The following APBB1IP variants were observed in gnomAD, a reference collection of about 807,000 sequenced individuals.
APBB1IP encodes amyloid beta A4 precursor protein-binding family B member 1-interacting protein.
Under a neutral mutation model 64.9 loss-of-function variants are expected in APBB1IP, and 27 were observed. That is an observed-to-expected ratio of 0.42 (90% CI 0.31 to 0.57). The LOEUF (loss-of-function observed/expected upper bound fraction) is 0.57. APBB1IP is among the 20% of genes least tolerant of loss of function. The pLI, the probability that APBB1IP is intolerant of heterozygous loss-of-function variation, is 0.20. For synonymous variants in APBB1IP, 392 were observed against 331.0 expected (o/e 1.18, Z -2.00); for missense variants, 812 against 845.5 (o/e 0.96, Z 0.49).
intron 11 of APBB1IP, among the ~76,000 whole-genome samples, chr10:26,554,424 G>T (rs1023458074): frequency 6.6e-6 from 1 of 152,216 alleles, no homozygotes; most frequent in African/African-American, 2.4e-5. Context: ...TCCCAGCAGT[G>T]CTGGCATTCC....
At position 26,533,253 on chromosome 10, in the gene APBB1IP, A is replaced by G. The variant is rs190226858; in HGVS notation, c.814-186A>G. Reference sequence around the variant, plus strand: ...CACTATGGGAGGATGAAGAGGTTTCACTCCTGCCTTGGCAATGTGGTATCA... The same window carrying G: ...CACTATGGGAGGATGAAGAGGTTTCGCTCCTGCCTTGGCAATGTGGTATCA... On this transcript the variant is annotated intron_variant, in intron 8 of 14. Coordinates refer to ENST00000376236, the MANE Select transcript of APBB1IP (RefSeq NM_019043.4). Among the ~76,000 whole-genome samples, 20 of 152,082 alleles carry G rather than the reference A, an allele frequency of 1.3e-4. No individual in the cohort carries two copies. The East Asian group carries it at 3.7e-3, about 28-fold the overall frequency.
At chr10:26,478,684 G>A (rs1402222282) in intron 2 of APBB1IP, among the ~76,000 whole-genome samples, 1 of 152,044 alleles carries the variant, frequency 6.6e-6, no homozygotes, top group East Asian at 1.9e-4. Flanking sequence ...GGCAGCATAT[G>A]TATGGTATTT....
chr10:26,445,143 AG>A (rs1835380875), intron 2 of APBB1IP, among the ~76,000 whole-genome samples: 1 of 87,284 alleles, frequency 1.1e-5, no homozygotes, highest in South Asian at 3.2e-4. Context: ...AAAGAAAGAA[AG>A]AAAGAAAGAA....
chr10:26,446,890 A>AC lies in APBB1IP; in HGVS notation c.-1+8037_-1+8038insC, dbSNP rs1491204826. ...GATAGATAGAGAGAGAGATAGATAG[A>AC]AATAGATAGATATGGTCCCTACCCT... is the stretch of plus-strand genomic sequence containing the variant. On this transcript the variant is annotated intron_variant, in intron 2 of 14. Transcript: ENST00000376236. Among the ~76,000 whole-genome samples, 6 of 137,438 alleles carry AC rather than the reference A, an allele frequency of 4.4e-5. No individual in the cohort carries two copies. The East Asian group carries it at 1.3e-3, about 29-fold the overall frequency. 90.2% of individuals were successfully genotyped at this position (137,438 alleles called of 152,430 possible). A position where few individuals can be genotyped will look rare whatever the true frequency, so the allele number is the denominator to read the frequency against.
At chr10:26,459,900 A>G (rs1340542577) in intron 2 of APBB1IP, among the ~76,000 whole-genome samples, 1 of 152,110 alleles carries the variant, frequency 6.6e-6, no homozygotes, top group Non-Finnish European at 1.5e-5. Flanking sequence ...TTCCCCTATT[A>G]ATCAGTCAAA....
At chr10:26,485,365 C>G (rs1220564759) in intron 2 of APBB1IP, among the ~76,000 whole-genome samples, 2 of 152,176 alleles carry the variant, frequency 1.3e-5, no homozygotes, top group Non-Finnish European at 2.9e-5. Context: ...TGTAGCCAGT[C>G]AAGTGAGAGA....
At position 26,500,967 on chromosome 10, in the gene APBB1IP, T is replaced by G; in HGVS notation, c.309T>G (p.Ile103Met). The change falls in exon 5 of 15, where the codon ATT becomes ATG. Residue 103 changes from isoleucine to methionine, a missense_variant. Coordinates refer to ENST00000376236, the MANE Select transcript of APBB1IP (RefSeq NM_019043.4). ...QHHSASLQAS[I>M]FSGAASLGYG... ...ATTCAGCATCTCTACAAGCATCAATTTTCAGTGGTGCAGCCTCTCTTGGTT... is the reference window on the plus strand; with the variant it reads ...ATTCAGCATCTCTACAAGCATCAATGTTCAGTGGTGCAGCCTCTCTTGGTT... 6.2e-7 allele frequency: 1 copy of G among 1,614,168 alleles called. No individual in the cohort carries two copies. Among genetic ancestry groups the G allele is most frequent in the Non-Finnish European group, 8.5e-7 (1 of 1,180,024 alleles).
chr10:26,467,855 A>G (rs905719216), intron 2 of APBB1IP, among the ~76,000 whole-genome samples: 3 of 152,228 alleles, frequency 2.0e-5, no homozygotes, highest in Non-Finnish European at 2.9e-5. Context: ...TTACTCAACT[A>G]TGCAAACCTG....
In APBB1IP at chr10:26,512,049, C is replaced by A. The variant is rs1392783262; in HGVS notation, c.691+143C>A. 3 of 1,048,164 alleles carry A rather than the reference C, an allele frequency of 2.9e-6. 1 individual carries two copies. Among genetic ancestry groups the A allele is most frequent in the Non-Finnish European group, 4.0e-6 (3 of 749,872 alleles). 64.9% of individuals were successfully genotyped at this position (1,048,164 alleles called of 1,614,324 possible). On this transcript the variant is annotated intron_variant, in intron 7 of 14. Transcript: ENST00000376236. Reference sequence around the variant, plus strand: ...CTCACTATGCTGCCCAGGCTGATCTCAAAATCCTGTGCTCAAGCGATCCTC... The same window carrying A: ...CTCACTATGCTGCCCAGGCTGATCTAAAAATCCTGTGCTCAAGCGATCCTC...
intron 2 of APBB1IP, among the ~76,000 whole-genome samples, chr10:26,454,036 G>C (rs1049638421): frequency 6.6e-6 from 1 of 152,176 alleles, no homozygotes; most frequent in East Asian, 1.9e-4. Flanking sequence ...CCATGAAAAA[G>C]AATGTTATCT....
chr10:26,499,999 C>G (rs1272283950), intron 4 of APBB1IP, among the ~76,000 whole-genome samples: 1 of 151,882 alleles, frequency 6.6e-6, no homozygotes, highest in Non-Finnish European at 1.5e-5. Context: ...TTACTTGAGT[C>G]CAGGAGTTTG....
At chr10:26,515,089 G>A (rs962541024) in intron 8 of APBB1IP, among the ~76,000 whole-genome samples, 1 of 148,872 alleles carries the variant, frequency 6.7e-6, no homozygotes, top group Non-Finnish European at 1.5e-5. Context: ...CACCGTGTTG[G>A]CCAGGGTGAT....
intron 6 of APBB1IP, among the ~76,000 whole-genome samples, chr10:26,508,834 A>G (rs1836216933): frequency 1.3e-5 from 2 of 152,224 alleles, no homozygotes; most frequent in Non-Finnish European, 2.9e-5. Context: ...CTGCAAAAAA[A>G]CACCTTTAAT....
At chr10:26,503,326 T>A (rs764984871) in intron 6 of APBB1IP, 52 bp downstream of exon 6, 13 of 1,578,364 alleles carry the variant, frequency 8.2e-6, no homozygotes, top group Non-Finnish European at 3.5e-6. Context: ...GGACCTGTGA[T>A]TATGCTTAAT....
In APBB1IP at chr10:26,545,590, C is replaced by T. The variant is rs570357897; in HGVS notation, c.1155+3898C>T. Among the ~76,000 whole-genome samples the T allele has an allele frequency of 2.4e-3, 368 of 152,218 alleles. 2 individuals carry two copies. Among genetic ancestry groups the T allele is most frequent in the Non-Finnish European group, 3.5e-3 (238 of 67,992 alleles). ...CCTGGCTAACACGGTGAAACCCCGT[C>T]TCTACTAAAAATACAAAAAATTAGC... On this transcript the variant is annotated intron_variant, in intron 11 of 14. Transcript: ENST00000376236.
At chr10:26,518,834 G>T (rs1017494691) in intron 8 of APBB1IP, among the ~76,000 whole-genome samples, 5 of 152,070 alleles carry the variant, frequency 3.3e-5, no homozygotes, top group African/African-American at 9.7e-5. Flanking sequence ...ACCACTTTAT[G>T]GTTCATTTCT....
chr10:26,524,469 G>A (rs1455531665), intron 8 of APBB1IP, among the ~76,000 whole-genome samples: 1 of 152,130 alleles, frequency 6.6e-6, no homozygotes, highest in East Asian at 1.9e-4. Flanking sequence ...CAATACGAGT[G>A]ATTGAGCTCA....
intron 2 of APBB1IP, among the ~76,000 whole-genome samples, chr10:26,460,389 C>G (rs1269440537): frequency 6.6e-6 from 1 of 152,106 alleles, no homozygotes; most frequent in African/African-American, 2.4e-5. Context: ...CATTGACTCC[C>G]CAGCAATGTT....
chr10:26,484,783 C>T (rs1564357711), intron 2 of APBB1IP, among the ~76,000 whole-genome samples: 1 of 152,078 alleles, frequency 6.6e-6, no homozygotes, highest in Non-Finnish European at 1.5e-5. Flanking sequence ...TAATACCATT[C>T]TGCTCAAAAT....
Sources: allele counts gnomAD v4.1 joint callset (sites outside exome capture counted in the v4.1 genomes callset), GRCh38; gene constraint gnomAD v4.1.1; transcripts MANE v1.5; gene names NCBI Gene and HGNC (gene_info 2026-07-23, HGNC 2026-07-21).